The following TRDN variants were observed in gnomAD, a reference collection of about 807,000 sequenced individuals.
TRDN encodes triadin, also known as triadin in skeletal muscle.
Under a neutral mutation model 149.7 loss-of-function variants are expected in TRDN, and 161 were observed. The ratio of observed to expected loss-of-function variants is 1.08; its 90% CI spans 0.95 to 1.23. The LOEUF is 1.23. TRDN is among the 50% of genes most tolerant of loss of function. The pLI, the probability that TRDN is intolerant of heterozygous loss-of-function variation, is 0.00. For synonymous variants in TRDN, 294 were observed against 250.5 expected (o/e 1.17, Z -1.64); for missense variants, 896 against 823.5 (o/e 1.09, Z -1.08).
intron 20 of TRDN, among the ~76,000 whole-genome samples, chr6:123,362,123 A>T (rs546958685): frequency 3.9e-5 from 6 of 152,276 alleles, no homozygotes; most frequent in African/African-American, 1.4e-4. Flanking sequence ...CGCTATTGTC[A>T]TTAAATTATT....
intron 38 of TRDN, among the ~76,000 whole-genome samples, chr6:123,247,906 G>A (rs964349685): frequency 6.6e-6 from 1 of 152,148 alleles, no homozygotes; most frequent in African/African-American, 2.4e-5. Context: ...CAGATATATA[G>A]ACCAATGGGA....
intron 10 of TRDN, among the ~76,000 whole-genome samples, chr6:123,451,144 A>G (rs2114653637): frequency 6.6e-6 from 1 of 152,246 alleles, no homozygotes; most frequent in South Asian, 2.1e-4. Context: ...TACATCAAAA[A>G]GACTAAAAAA....
chr6:123,529,301 C>A, intron 5 of TRDN: 1 of 1,548,690 alleles, frequency 6.5e-7, no homozygotes, highest in African/African-American at 1.4e-5. Context: ...CTTCTGTGAT[C>A]AAAGGAATTA....
At chr6:123,576,552 C>T (rs1293603850) in intron 1 of TRDN, among the ~76,000 whole-genome samples, 1 of 151,928 alleles carries the variant, frequency 6.6e-6, no homozygotes, top group African/African-American at 2.4e-5. Flanking sequence ...TTCACTCTTC[C>T]ATTGAGTGGA....
intron 10 of TRDN, among the ~76,000 whole-genome samples, chr6:123,449,257 G>A (rs1775617102): frequency 6.6e-6 from 1 of 152,130 alleles, no homozygotes; most frequent in Admixed American, 6.5e-5. Context: ...TCAGGAGTTA[G>A]GTTATTAAGC....
intron 23 of TRDN, among the ~76,000 whole-genome samples, chr6:123,322,613 TTTA>T (rs139658634): frequency 0.23 from 31,813 of 140,436 alleles, 3,747 homozygotes; most frequent in Non-Finnish European, 0.28. Flanking sequence ...TTTTTTAAAA[TTTA>T]TTATTATTAT....
chr6:123,449,201 A>C (rs1198375407), intron 10 of TRDN, among the ~76,000 whole-genome samples: 1 of 152,186 alleles, frequency 6.6e-6, no homozygotes, highest in Admixed American at 6.5e-5. Context: ...TTCACCAGCA[A>C]AGGATTCAAA....
intron 7 of TRDN, among the ~76,000 whole-genome samples, chr6:123,511,681 G>A (rs1779188857): frequency 1.3e-5 from 2 of 152,016 alleles, no homozygotes; most frequent in Admixed American, 1.3e-4. Context: ...CCAAAGTGTT[G>A]GCTCAGCATG....
chr6:123,317,532 C>A (rs1779071097), intron 23 of TRDN, among the ~76,000 whole-genome samples: 1 of 151,900 alleles, frequency 6.6e-6, no homozygotes, highest in East Asian at 1.9e-4. Context: ...TTGAGTGCAC[C>A]TTCTGTAAAA....
At chr6:123,400,751 C>T (rs1021909802) in intron 12 of TRDN, among the ~76,000 whole-genome samples, 2 of 152,154 alleles carry the variant, frequency 1.3e-5, no homozygotes, top group African/African-American at 4.8e-5. Context: ...ACTTAAAAAA[C>T]CAGCCCCTTT....
chr6:123,424,718 T>G (rs964868088), intron 12 of TRDN, among the ~76,000 whole-genome samples: 4 of 152,178 alleles, frequency 2.6e-5, no homozygotes, highest in African/African-American at 9.6e-5. Flanking sequence ...ATGGCTTTGC[T>G]GCATGAGAAA....
At chr6:123,618,917 TTATTA>T (rs1033990147) in intron 1 of TRDN, among the ~76,000 whole-genome samples, 1 of 152,150 alleles carries the variant, frequency 6.6e-6, no homozygotes, top group African/African-American at 2.4e-5. Context: ...CTCAAACATT[TTATTA>T]TAATAATCAA....
chr6:123,431,297 T>G (rs1379796292), intron 12 of TRDN, among the ~76,000 whole-genome samples: 1 of 152,198 alleles, frequency 6.6e-6, no homozygotes, highest in Non-Finnish European at 1.5e-5. Flanking sequence ...TGTACTAGAT[T>G]TTCCATTTTT....
chr6:123,499,719 A>AAAAAAAAAAAAAAATATATATAT, intron 8 of TRDN, among the ~76,000 whole-genome samples: 3 of 47,682 alleles, frequency 6.3e-5, no homozygotes, highest in Non-Finnish European at 1.3e-4. Flanking sequence ...AAAAAAAAAA[A>AAAAAAAAAAAAAAATATATATAT]ATATATATAT....
intron 19 of TRDN, among the ~76,000 whole-genome samples, chr6:123,369,865 C>T (rs1441707052): frequency 1.3e-5 from 2 of 152,130 alleles, no homozygotes; most frequent in African/African-American, 4.8e-5. Flanking sequence ...TCTGCTCCCT[C>T]ATCAGTTTTC....
At chr6:123,327,707 C>A (rs367845300) in intron 23 of TRDN, among the ~76,000 whole-genome samples, 2 of 152,020 alleles carry the variant, frequency 1.3e-5, no homozygotes, top group African/African-American at 4.8e-5. Flanking sequence ...TTGCTAATTT[C>A]TCTTATTCAT....
intron 12 of TRDN, 93 bp from the exon 13 acceptor site, chr6:123,393,770 C>T: frequency 6.6e-6 from 8 of 1,216,698 alleles, no homozygotes; most frequent in Non-Finnish European, 9.2e-6. Context: ...CACAAACGAG[C>T]ATAAAAAGTG....
intron 1 of TRDN, among the ~76,000 whole-genome samples, chr6:123,583,303 T>G (rs1783231075): frequency 6.6e-6 from 1 of 151,688 alleles, no homozygotes; most frequent in South Asian, 2.1e-4. Context: ...GGATGACAAG[T>G]TTTTGGGGGG....
chr6:123,398,433 G>A (rs1314550138), intron 12 of TRDN, among the ~76,000 whole-genome samples: 2 of 152,118 alleles, frequency 1.3e-5, no homozygotes, highest in Non-Finnish European at 2.9e-5. Context: ...ATAAAACCTT[G>A]ACCCCTCAAA....
Sources: allele counts gnomAD v4.1 joint callset (sites outside exome capture counted in the v4.1 genomes callset), GRCh38; gene constraint gnomAD v4.1.1; transcripts MANE v1.5; gene names NCBI Gene and HGNC (gene_info 2026-07-23, HGNC 2026-07-21).